Variants in USP22 observed in about 807,000 individuals in gnomAD.
USP22 encodes ubiquitin carboxyl-terminal hydrolase 22.
USP22 carries 22 observed loss-of-function variants against 68.1 expected under a neutral mutation model. That is an observed-to-expected ratio of 0.32 (90% CI 0.23 to 0.46). USP22 has a LOEUF of 0.46. Ranked by LOEUF, USP22 falls within the 20% of genes least tolerant of loss-of-function variation. The pLI, the probability that USP22 is intolerant of heterozygous loss-of-function variation, is 1.00. For missense variants in USP22, 433 were observed against 695.8 expected (o/e 0.62, Z 4.25); for synonymous variants, 279 against 274.2 (o/e 1.02, Z -0.17).
In USP22 at chr17:21,042,857, C is replaced by T; in HGVS notation, c.-22G>A. On this transcript the variant is annotated 5_prime_UTR_variant, in exon 1 of 13. Coordinates refer to ENST00000261497, the MANE Select transcript of USP22 (RefSeq NM_015276.2). ...CCATGGGGGGCAAGGCCCGGCCGCG[C>T]GCGGGGGGCGGCGGCGAGGGAGGCG... 1 of 1,248,100 alleles carries T rather than the reference C, an allele frequency of 8.0e-7. No individual in the cohort carries two copies. 77.3% of individuals were successfully genotyped at this position (1,248,100 alleles called of 1,614,324 possible).
chr17:21,025,786 G>A (rs1218454854), intron 2 of USP22, among the ~76,000 whole-genome samples: 1 of 152,180 alleles, frequency 6.6e-6, no homozygotes, highest in African/African-American at 2.4e-5. Flanking sequence ...AAATATCCAG[G>A]AAAGGAGAAC....
chr17:21,040,861 A>G (rs1242170072), intron 1 of USP22, among the ~76,000 whole-genome samples: 2 of 150,814 alleles, frequency 1.3e-5, no homozygotes, highest in African/African-American at 4.9e-5. Context: ...CATTCCCTGT[A>G]GAAGACTGGC....
chr17:21,020,680 G>A (rs145507199), intron 3 of USP22, among the ~76,000 whole-genome samples: 130 of 152,324 alleles, frequency 8.5e-4, no homozygotes, highest in African/African-American at 3.0e-3. Flanking sequence ...CAAAGAGATC[G>A]CTTGCTAGAA....
chr17:21,026,789 A>T (rs1597698002), intron 2 of USP22, among the ~76,000 whole-genome samples: 1 of 145,456 alleles, frequency 6.9e-6, no homozygotes, highest in Admixed American at 7.1e-5. Flanking sequence ...ACATAGTGAG[A>T]CCCTGTCTCC....
At chr17:21,004,477 G>A (rs1478667944) in intron 11 of USP22, 126 bp from the exon 12 acceptor site, 6 of 1,211,092 alleles carry the variant, frequency 5.0e-6, no homozygotes, top group East Asian at 2.5e-5. Context: ...AACCCCCAGG[G>A]CCTCAGGCTG....
chr17:21,004,829 TGGC>T (rs1295580387), intron 11 of USP22, 96 bp downstream of exon 11: 2 of 1,369,664 alleles, frequency 1.5e-6, no homozygotes, highest in African/African-American at 2.9e-5. Context: ...AGCAGGTCAG[TGGC>T]GGGGGATCCG....
chr17:21,042,690 C>G lies in USP22; in HGVS notation c.146G>C (p.Gly49Ala), dbSNP rs778758482. ...CTTGCGCTTGCGGGCCTCAGCCGTGCCGCTCCACACGAAGCACTGGTAGAT... is the reference window on the plus strand; with the variant it reads ...CTTGCGCTTGCGGGCCTCAGCCGTGGCGCTCCACACGAAGCACTGGTAGAT... ...RAIYQCFVWS[G>A]TAEARKRKAK... The change falls in exon 1 of 13, where the codon GGC becomes GCC. Residue 49 changes from glycine to alanine, a missense_variant. By Grantham distance (60) the Gly-to-Ala change is moderately conservative. Coordinates refer to ENST00000261497, the MANE Select transcript of USP22 (RefSeq NM_015276.2). 2.9e-6 allele frequency: 4 copies of G among 1,367,438 alleles called. No individual in the cohort carries two copies. The East Asian group carries it at 9.0e-5, about 31-fold the overall frequency. 84.7% of individuals were successfully genotyped at this position (1,367,438 alleles called of 1,614,324 possible). A position where few individuals can be genotyped will look rare whatever the true frequency, so the allele number is the denominator to read the frequency against.
At chr17:21,042,474 A>G (rs560653394) in intron 1 of USP22, among the ~76,000 whole-genome samples, 191 bp downstream of exon 1, 1 of 116,994 alleles carries the variant, frequency 8.5e-6, no homozygotes, top group South Asian at 3.2e-4. Flanking sequence ...AAGGGAAGGG[A>G]GAGAGTTGAG....
At position 21,017,923 on chromosome 17, in the gene USP22, A is replaced by C. The variant is rs749195340; in HGVS notation, c.690+19T>G. 1.9e-6 allele frequency: 3 copies of C among 1,611,628 alleles called. No homozygotes were observed. Among genetic ancestry groups the C allele is most frequent in the Non-Finnish European group, 2.5e-6 (3 of 1,179,340 alleles). On this transcript the variant is annotated intron_variant, in intron 5 of 12. Coordinates refer to ENST00000261497, the MANE Select transcript of USP22 (RefSeq NM_015276.2). ...CAAAGTAACAGAAATGTTCCCCTGC[A>C]GAAGTCAATGGCGCTCACCTCCTGA...
At chr17:21,014,025 G>A (rs1434427446) in intron 6 of USP22, among the ~76,000 whole-genome samples, 1 of 152,234 alleles carries the variant, frequency 6.6e-6, no homozygotes, top group African/African-American at 2.4e-5. Flanking sequence ...AGTGAGCTGA[G>A]ATCGCACCAC....
chr17:21,028,172 C>T (rs1323783658), intron 2 of USP22, among the ~76,000 whole-genome samples: 2 of 152,272 alleles, frequency 1.3e-5, no homozygotes, highest in South Asian at 4.1e-4. Flanking sequence ...CCCAACCCCA[C>T]GCCAGCCTCA....
chr17:21,018,129 G>C lies in USP22; in HGVS notation c.521-18C>G. 1 of 1,557,528 alleles carries C rather than the reference G, an allele frequency of 6.4e-7. No homozygotes were observed. The highest frequency in any genetic ancestry group is 8.7e-7 in the Non-Finnish European group (1 of 1,150,964). Reference sequence around the variant, plus strand: ...ACGCAGACCTGGACACAAATCACCAGAGAGCAGGAGTTACCTGTGTGCTGA... The same window carrying C: ...ACGCAGACCTGGACACAAATCACCACAGAGCAGGAGTTACCTGTGTGCTGA... On this transcript the variant is annotated intron_variant, in intron 4 of 12. Transcript: ENST00000261497.
chr17:21,030,851 A>G (rs1448639421), intron 1 of USP22, among the ~76,000 whole-genome samples: 3 of 152,258 alleles, frequency 2.0e-5, no homozygotes, highest in African/African-American at 7.2e-5. Flanking sequence ...TTATTGGAAC[A>G]ATTCAGGTAT....
At chr17:21,017,343 G>A (rs1159585367) in intron 5 of USP22, among the ~76,000 whole-genome samples, 2 of 152,216 alleles carry the variant, frequency 1.3e-5, no homozygotes, top group African/African-American at 4.8e-5. Context: ...AGGTAACTGA[G>A]CTGCTTCAGC....
intron 8 of USP22, among the ~76,000 whole-genome samples, chr17:21,010,888 GGGTTCATTTACATGCGGA>G (rs1298982744): frequency 3.9e-5 from 6 of 152,192 alleles, no homozygotes; most frequent in African/African-American, 1.4e-4. Flanking sequence ...GTTTGGCTCT[GGGTTCATTTACATGCGGA>G]GGTTGGAGTA....
intron 2 of USP22, among the ~76,000 whole-genome samples, chr17:21,023,564 G>C (rs914369592): frequency 2.4e-4 from 35 of 148,018 alleles, no homozygotes; most frequent in Non-Finnish European, 4.8e-4. Context: ...AGGATGGCTT[G>C]AGCCCGGAAG....
At chr17:21,006,260 A>G (rs1030208833) in intron 10 of USP22, among the ~76,000 whole-genome samples, 13 of 152,210 alleles carry the variant, frequency 8.5e-5, no homozygotes, top group African/African-American at 2.4e-4. Context: ...GGAAAATGCA[A>G]TCTACAACTG....
At position 21,001,717 on chromosome 17, in the gene USP22, C is replaced by T. The variant is rs1913584717; in HGVS notation, c.*1314G>A. ...CCTGGGACAAGCACAGCCCGAGACA[C>T]ACTTGCTTCATAAACTGTATTTCAG... On this transcript the variant is annotated 3_prime_UTR_variant, in exon 13 of 13. Coordinates refer to ENST00000261497, the MANE Select transcript of USP22 (RefSeq NM_015276.2). 1 of 152,210 alleles carries T rather than the reference C, an allele frequency of 6.6e-6. No homozygotes were observed. The highest frequency in any genetic ancestry group is 1.5e-5 in the Non-Finnish European group (1 of 68,050). 9.4% of individuals were successfully genotyped at this position (152,210 alleles called of 1,614,324 possible). A position where few individuals can be genotyped will look rare whatever the true frequency, so the allele number is the denominator to read the frequency against.
intron 6 of USP22, among the ~76,000 whole-genome samples, chr17:21,013,953 A>G (rs566869010): frequency 6.6e-6 from 1 of 152,376 alleles, no homozygotes; most frequent in African/African-American, 2.4e-5. Flanking sequence ...GGGCGCCTGT[A>G]GTCCCAGCTA....
Sources: allele counts gnomAD v4.1 joint callset (sites outside exome capture counted in the v4.1 genomes callset), GRCh38; gene constraint gnomAD v4.1.1; transcripts MANE v1.5; gene names NCBI Gene and HGNC (gene_info 2026-07-23, HGNC 2026-07-21).